Variants in CRYBG2 observed in about 807,000 individuals in gnomAD.
CRYBG2 encodes beta/gamma crystallin domain-containing protein 2.
In CRYBG2, 106 loss-of-function variants were observed where a neutral mutation model predicts 153.4. The ratio of observed to expected loss-of-function variants is 0.69; its 90% CI spans 0.59 to 0.81. The LOEUF (loss-of-function observed/expected upper bound fraction) is 0.81, where lower values mean the gene tolerates loss of function less well. Ranked by LOEUF, CRYBG2 falls within the 30% of genes least tolerant of loss-of-function variation. The pLI is 0.00. For missense variants in CRYBG2, 1,996 were observed against 2,112.0 expected (o/e 0.95, Z 1.08); for synonymous variants, 851 against 877.8 (o/e 0.97, Z 0.54).
chr1:26,353,555 A>C (rs1333803819), intron 1 of CRYBG2, among the ~76,000 whole-genome samples: 2 of 152,184 alleles, frequency 1.3e-5, no homozygotes, highest in East Asian at 3.8e-4. Flanking sequence ...CATCCCTGCT[A>C]TTTTGGCACC....
At position 26,344,474 on chromosome 1, in the gene CRYBG2, T is replaced by A. The variant is rs2074177432; in HGVS notation, c.2184A>T (p.Thr728=). The change falls in exon 2 of 20, where the codon ACA becomes ACT. Residue 728 remains threonine (T), a synonymous_variant. Transcript: ENST00000308182. ...GGGACTCCGTGCTGGCCTCTGCTCC[T>A]GTTGGCACTGGGGCAGGGGTGCCTC... is the stretch of plus-strand genomic sequence containing the variant. The part of the protein sequence containing the change: ...SPGGTPAPVP[T]GAEASTESQL... 6.5e-7 allele frequency: 1 copy of A among 1,539,752 alleles called. No individual in the cohort carries two copies. The highest frequency in any genetic ancestry group is 1.2e-5 in the South Asian group (1 of 82,500).
At chr1:26,335,525 C>CGGTGGAG (rs2074044131) in intron 14 of CRYBG2, among the ~76,000 whole-genome samples, 1 of 152,152 alleles carries the variant, frequency 6.6e-6, no homozygotes, top group South Asian at 2.1e-4. Flanking sequence ...CGGCCAGGCA[C>CGGTGGAG]GGTGGCTCAT....
intron 17 of CRYBG2, among the ~76,000 whole-genome samples, 179 bp downstream of exon 17, chr1:26,328,030 T>A (rs1188721472): frequency 1.3e-5 from 2 of 150,380 alleles, no homozygotes; most frequent in East Asian, 3.9e-4. Flanking sequence ...AAAAAGAGAG[T>A]TAATCTAGAG....
At chr1:26,327,684 C>T (rs1470411012) in intron 17 of CRYBG2, among the ~76,000 whole-genome samples, 5 of 150,372 alleles carry the variant, frequency 3.3e-5, no homozygotes, top group African/African-American at 1.2e-4. Context: ...TGGTGGCTCA[C>T]GTCTGTAATC....
At position 26,344,158 on chromosome 1, in the gene CRYBG2, G is replaced by T; in HGVS notation, c.2500C>A (p.Pro834Thr). The T allele has an allele frequency of 6.5e-7, 1 of 1,535,376 alleles. No individual in the cohort carries two copies. The highest frequency in any genetic ancestry group is 1.4e-5 in the African/African-American group (1 of 73,080). ...TCGTCACTCAGATAGGGGTTCTCTG[G>T]TTCCTCCTCCTCCTCCTCCTCTTTC... ...EEKEEEEEEE[P>T]ENPYLSDDEK... Residue 834 changes from proline (P) to threonine (T), a missense_variant, in exon 2 of 20, where the codon CCA becomes ACA. Physicochemically the swap from Pro to Thr is conservative, Grantham distance 38. Transcript: ENST00000308182.
At position 26,344,860 on chromosome 1, in the gene CRYBG2, C is replaced by T. The variant is rs1557717168; in HGVS notation, c.1798G>A (p.Val600Met). 1.3e-6 allele frequency: 2 copies of T among 1,534,504 alleles called. No homozygotes were observed. The highest frequency in any genetic ancestry group is 1.7e-6 in the Non-Finnish European group (2 of 1,146,214). Reference sequence around the variant, plus strand: ...GCAGCAGGAGCACAGGGGCCCTTCACAACCTCTTTCTGGGTGGGCGATGAG... The same window carrying T: ...GCAGCAGGAGCACAGGGGCCCTTCATAACCTCTTTCTGGGTGGGCGATGAG... ...AASSPTQKEV[V>M]KGPCAPAASS... is the part of the protein sequence containing the mutation. The change falls in exon 2 of 20, where the codon GTG becomes ATG. Residue 600 changes from valine to methionine, a missense_variant. Coordinates refer to ENST00000308182, the MANE Select transcript of CRYBG2 (RefSeq NM_001039775.4).
chr1:26,324,030 C>A, intron 18 of CRYBG2, 122 bp downstream of exon 18: 1 of 1,056,410 alleles, frequency 9.5e-7, no homozygotes, highest in Non-Finnish European at 1.4e-6. Flanking sequence ...CACTCTCCCT[C>A]TCCCCAGGGT....
chr1:26,338,141 C>A (rs2074085105), intron 7 of CRYBG2, 94 bp from the exon 8 acceptor site: 1 of 1,509,190 alleles, frequency 6.6e-7, no homozygotes, highest in South Asian at 1.2e-5. Flanking sequence ...AGAACCCCAA[C>A]CCCATGTCTT....
Position 26,344,374 on chromosome 1 carries a change from C to A in CRYBG2, c.2284G>T (p.Ala762Ser). The A allele has an allele frequency of 6.6e-7, 1 of 1,511,800 alleles. No individual in the cohort carries two copies. The allele number at this position is 1,511,800 out of a possible 1,614,324, so 93.6% of individuals were successfully genotyped here. ...GTATCCAGGAATATCTCCAGGTCAG[C>A]GGCCAGGGCCACCTCATCCTCCTCC... ...SREEDEVALA[A>S]DLEIFLDTLR... The change falls in exon 2 of 20, where the codon GCT becomes TCT. Residue 762 changes from alanine (A) to serine (S), a missense_variant. Physicochemically the swap from Ala to Ser is moderately conservative, Grantham distance 99 (BLOSUM62 1). Transcript: ENST00000308182.
At position 26,338,060 on chromosome 1, in the gene CRYBG2, CAG is replaced by C. The variant is rs1273142550; in HGVS notation, c.3472-15_3472-14del. 1.2e-6 allele frequency: 2 copies of C among 1,612,242 alleles called. No homozygotes were observed. The highest frequency in any genetic ancestry group is 8.5e-7 in the Non-Finnish European group (1 of 1,179,216). ...CACTTGGGCAGCCCTGCAGAGGAGA[CAG>C]AGCTGAGACACCAGCCCAGAGATGG... On this transcript the variant is annotated splice_polypyrimidine_tract_variant and intron_variant, in intron 7 of 19. Coordinates refer to ENST00000308182, the MANE Select transcript of CRYBG2 (RefSeq NM_001039775.4).
chr1:26,324,013 C>T (rs2073890427), intron 18 of CRYBG2, 139 bp downstream of exon 18: 4 of 820,420 alleles, frequency 4.9e-6, no homozygotes, highest in East Asian at 2.6e-5. Flanking sequence ...CCAGGGGGAA[C>T]AGTCTGCACT....
chr1:26,329,173 CTT>C (rs35855833), intron 15 of CRYBG2, among the ~76,000 whole-genome samples: 4 of 98,634 alleles, frequency 4.1e-5, no homozygotes, highest in Admixed American at 1.3e-4. Flanking sequence ...TTATTCTAGG[CTT>C]TTTTTTTTTT....
At chr1:26,352,067 G>A (rs528200578) in intron 1 of CRYBG2, among the ~76,000 whole-genome samples, 16 of 152,058 alleles carry the variant, frequency 1.1e-4, no homozygotes, top group African/African-American at 3.6e-4. Context: ...GGGAGTGTGG[G>A]AAAGAGCCTT....
At chr1:26,330,328 G>A (rs2073984496) in intron 15 of CRYBG2, among the ~76,000 whole-genome samples, 1 of 152,030 alleles carries the variant, frequency 6.6e-6, no homozygotes, top group Non-Finnish European at 1.5e-5. Flanking sequence ...TCAGAACCAG[G>A]TTTATTTGTC....
At chr1:26,339,090 C>T (rs572196313) in intron 6 of CRYBG2, among the ~76,000 whole-genome samples, 200 bp downstream of exon 6, 100 of 152,334 alleles carry the variant, frequency 6.6e-4, no homozygotes, top group Non-Finnish European at 2.4e-4. Flanking sequence ...CTGACTTCCA[C>T]ACTCTGCCTC....
In CRYBG2 at chr1:26,328,289, G is replaced by A; in HGVS notation, c.4498C>T (p.Leu1500=). ...TTGGTGATCTCGCAGCTTCCCACCA[G>A]CCACTGGCGGCCCCGGAAGTCACTG... ...EHSDFRGRQW[L]VGSCEITNWL... Residue 1500 remains leucine, a synonymous_variant, in exon 17 of 20, where the codon CTG becomes TTG. Coordinates refer to ENST00000308182, the MANE Select transcript of CRYBG2 (RefSeq NM_001039775.4). 1 of 1,570,552 alleles carries A rather than the reference G, an allele frequency of 6.4e-7. No individual in the cohort carries two copies. Among genetic ancestry groups the A allele is most frequent in the Non-Finnish European group, 8.6e-7 (1 of 1,157,194 alleles).
At chr1:26,332,016 A>G (rs2074002048) in intron 14 of CRYBG2, among the ~76,000 whole-genome samples, 1 of 152,218 alleles carries the variant, frequency 6.6e-6, no homozygotes, top group African/African-American at 2.4e-5. Flanking sequence ...GAATAAATTA[A>G]GAAAAAGTGG....
chr1:26,323,576 C>T (rs2073885795), intron 18 of CRYBG2, among the ~76,000 whole-genome samples: 1 of 152,166 alleles, frequency 6.6e-6, no homozygotes, highest in Admixed American at 6.5e-5. Flanking sequence ...ATAGTAGGTG[C>T]TCAAGAAATG....
Position 26,346,063 on chromosome 1 carries a change from TCA to T in CRYBG2, c.593_594del (p.Val198GlufsTer42). 6.3e-7 allele frequency: 1 copy of T among 1,587,170 alleles called. No homozygotes were observed. The highest frequency in any genetic ancestry group is 8.5e-7 in the Non-Finnish European group (1 of 1,172,920). ...AGGGCCTCGCCTGAGGACACTGGCC[TCA>T]CAGTCACAGAGCTGCTCATCCGCCG... ...VDRRMSSSVT[V>X]RPVSSGEALP... On this transcript the variant is annotated frameshift_variant, in exon 2 of 20. Transcript: ENST00000308182. LOFTEE classifies it high-confidence loss of function. This position sits in a 1 kb window ranked among gnomAD's most constrained non-coding sequence, Gnocchi z 4.9.
Sources: allele counts gnomAD v4.1 joint callset (sites outside exome capture counted in the v4.1 genomes callset), GRCh38; gene constraint gnomAD v4.1.1; non-coding constraint Gnocchi (gnomAD v3.1); transcripts MANE v1.5; gene names NCBI Gene and HGNC (gene_info 2026-07-23, HGNC 2026-07-21).